Variants in ABCA9 observed in about 807,000 individuals in gnomAD.
ABCA9 encodes the protein ATP-binding cassette sub-family A member 9.
ABCA9 carries 183 observed loss-of-function variants against 205.3 expected under a neutral mutation model. That is an observed-to-expected ratio of 0.89 (90% CI 0.79 to 1.01). ABCA9 has a LOEUF of 1.01. ABCA9 is among the 50% of genes least tolerant of loss of function. The pLI is 0.00. For synonymous variants in ABCA9, 651 were observed against 683.3 expected (o/e 0.95, Z 0.74); for missense variants, 1,805 against 1,912.4 (o/e 0.94, Z 1.05).
At chr17:69,011,928 A>G (rs766763433) in intron 23 of ABCA9, 48 bp downstream of exon 23, 3 of 1,330,802 alleles carry the variant, frequency 2.3e-6, no homozygotes, top group Non-Finnish European at 3.1e-6. Flanking sequence ...GGGTGTGGGA[A>G]GGGTTCTCTA....
intron 25 of ABCA9, among the ~76,000 whole-genome samples, chr17:68,998,146 A>G (rs1449716100): frequency 6.6e-6 from 1 of 152,190 alleles, no homozygotes; most frequent in African/African-American, 2.4e-5. Flanking sequence ...ATAATATTCC[A>G]TTGTCTGGAT....
chr17:69,073,891 AG>A, the ABCA9 span, among the ~76,000 whole-genome samples: 1 of 151,960 alleles, frequency 6.6e-6, no homozygotes, highest in Non-Finnish European at 1.5e-5. Context: ...TTGTAGTGAT[AG>A]GGTCTTGCTA....
chr17:68,981,568 A>G (rs1316690252), intron 37 of ABCA9, among the ~76,000 whole-genome samples: 3 of 152,176 alleles, frequency 2.0e-5, no homozygotes, highest in Admixed American at 6.5e-5. Context: ...CAACAGGATG[A>G]GAAAGTGAAA....
chr17:68,978,184 G>T (rs1277910815), intron 37 of ABCA9, among the ~76,000 whole-genome samples: 1 of 152,198 alleles, frequency 6.6e-6, no homozygotes, highest in Non-Finnish European at 1.5e-5. Context: ...AGGAAAGTTA[G>T]CTCTTCTTGT....
intron 19 of ABCA9, 92 bp downstream of exon 19, chr17:69,020,296 A>AT: frequency 1.6e-6 from 2 of 1,267,358 alleles, no homozygotes; most frequent in Non-Finnish European, 2.2e-6. Flanking sequence ...ATTTACTGAA[A>AT]TTTATTTTAT....
At chr17:69,035,057 C>A in intron 8 of ABCA9, 189 bp downstream of exon 8, 1 of 419,320 alleles carries the variant, frequency 2.4e-6, no homozygotes, top group East Asian at 3.8e-5. Context: ...AGGGTATGAT[C>A]CTATATTTAG....
intron 31 of ABCA9, 35 bp from the exon 32 acceptor site, chr17:68,986,359 CA>C: frequency 1.3e-6 from 2 of 1,579,284 alleles, no homozygotes; most frequent in Non-Finnish European, 8.6e-7. Context: ...GATTCTATCC[CA>C]AATGTCACGT....
At chr17:69,049,523 T>C (rs936850719) in intron 2 of ABCA9, 33 bp from the exon 3 acceptor site, 1 of 1,522,636 alleles carries the variant, frequency 6.6e-7, no homozygotes, top group Non-Finnish European at 9.0e-7. Flanking sequence ...GGAAACAAAC[T>C]GGTAGATGTT....
chr17:69,017,292 A>G (rs984433023), intron 21 of ABCA9, among the ~76,000 whole-genome samples: 7 of 152,164 alleles, frequency 4.6e-5, no homozygotes, highest in African/African-American at 1.4e-4. Flanking sequence ...TGAGCAAAGC[A>G]GTATGCAGAC....
chr17:69,054,418 T>C (rs2072003764), intron 1 of ABCA9, among the ~76,000 whole-genome samples: 1 of 150,868 alleles, frequency 6.6e-6, no homozygotes. Flanking sequence ...CCCCAGCTAC[T>C]AAGGAGGCTG....
In ABCA9 at chr17:69,020,738, T is replaced by G. The variant is rs1266771054; in HGVS notation, c.2402-152A>C. On this transcript the variant is annotated intron_variant, in intron 18 of 38. Transcript: ENST00000340001. ...TGTATGACATTATTAGAGCAACTATTGAAGAAATGGGAAAGAAGCAGAAAG... is the reference window on the plus strand; with the variant it reads ...TGTATGACATTATTAGAGCAACTATGGAAGAAATGGGAAAGAAGCAGAAAG... 3 of 601,606 alleles carry G rather than the reference T, an allele frequency of 5.0e-6. No individual in the cohort carries two copies. The African/African-American group carries it at 5.6e-5, about 11-fold the overall frequency. 37.3% of individuals were successfully genotyped at this position (601,606 alleles called of 1,614,324 possible). A position where few individuals can be genotyped will look rare whatever the true frequency, so the allele number is the denominator to read the frequency against.
At chr17:69,046,515 A>G (rs2071707888) in intron 3 of ABCA9, among the ~76,000 whole-genome samples, 1 of 152,146 alleles carries the variant, frequency 6.6e-6, no homozygotes, top group Non-Finnish European at 1.5e-5. Context: ...CATTAATTCA[A>G]TGGGAGTTTC....
intron 19 of ABCA9, 68 bp downstream of exon 19, chr17:69,020,320 A>G (rs2070769191): frequency 7.1e-7 from 1 of 1,406,086 alleles, no homozygotes; most frequent in Non-Finnish European, 9.7e-7. Flanking sequence ...AGTTTCTTTT[A>G]TGTTTTGCTC....
intron 18 of ABCA9, among the ~76,000 whole-genome samples, chr17:69,020,979 G>A (rs368366247): frequency 2.6e-5 from 4 of 152,102 alleles, no homozygotes; most frequent in African/African-American, 7.2e-5. Flanking sequence ...ACATAAAAAT[G>A]GGAGAAACGA....
chr17:69,046,890 TATATATATATATATATATATATAA>T (rs2144484299), intron 3 of ABCA9, among the ~76,000 whole-genome samples: 2 of 32,218 alleles, frequency 6.2e-5, no homozygotes, highest in African/African-American at 1.7e-4. Flanking sequence ...TATATATATA[TATATATATATATATATATATATAA>T]AATTTTATAT....
chr17:69,044,207 G>GA (rs917383105), intron 5 of ABCA9, among the ~76,000 whole-genome samples: 42 of 152,052 alleles, frequency 2.8e-4, no homozygotes, highest in Middle Eastern at 3.4e-3. Flanking sequence ...TTGTCTCTAA[G>GA]AAAAACAAAG....
intron 8 of ABCA9, chr17:69,034,648 C>T (rs549669353): frequency 2.0e-5 from 3 of 152,126 alleles, no homozygotes; most frequent in East Asian, 1.9e-4. Flanking sequence ...TGCAATAGGA[C>T]TTTTTTGGGC....
At chr17:69,012,393 A>C (rs938168258) in intron 22 of ABCA9, 2 of 231,326 alleles carry the variant, frequency 8.6e-6, no homozygotes, top group Admixed American at 5.6e-5. Context: ...TATGGTTACA[A>C]TCTTACATGC....
chr17:69,071,089 A>T, the ABCA9 span, among the ~76,000 whole-genome samples: 1 of 152,220 alleles, frequency 6.6e-6, no homozygotes, highest in South Asian at 2.1e-4. Context: ...CAGCAGCCCC[A>T]ATCAGGGGCT....
Sources: allele counts gnomAD v4.1 joint callset (sites outside exome capture counted in the v4.1 genomes callset), GRCh38; gene constraint gnomAD v4.1.1; transcripts MANE v1.5; gene names NCBI Gene and HGNC (gene_info 2026-07-23, HGNC 2026-07-21).